The following BUB3 variants were observed in gnomAD, a reference collection of about 807,000 sequenced individuals.
BUB3 encodes mitotic checkpoint protein BUB3.
A neutral mutation model predicts 39.9 loss-of-function variants in BUB3; 22 were observed. The observed-to-expected ratio is 0.55, with a 90% confidence interval of 0.39 to 0.79. The LOEUF is 0.79. BUB3 is among the 30% of genes least tolerant of loss of function. The pLI, the probability that BUB3 is intolerant of heterozygous loss-of-function variation, is 0.00. For missense variants in BUB3, 303 were observed against 415.4 expected (o/e 0.73, Z 2.35); for synonymous variants, 168 against 155.1 (o/e 1.08, Z -0.62).
rs1268339794 is a variant in BUB3, at chr10:123,167,062, C to T, written c.*3227C>T. 1 of 152,232 alleles carries T rather than the reference C, an allele frequency of 6.6e-6. No individual in the cohort carries two copies. The highest frequency in any genetic ancestry group is 1.9e-4 in the East Asian group (1 of 5,198). The allele number at this position is 152,232 out of a possible 1,614,324, so 9.4% of individuals were successfully genotyped here. On this transcript the variant is annotated 3_prime_UTR_variant, in exon 8 of 8. Coordinates refer to ENST00000368865, the MANE Select transcript of BUB3 (RefSeq NM_004725.4). Reference sequence around the variant, plus strand: ...CTACTGAGAGCTTAGATCACTACAACGAATCCTTGTAAATTTGTTTAACTC... The same window carrying T: ...CTACTGAGAGCTTAGATCACTACAATGAATCCTTGTAAATTTGTTTAACTC...
At chr10:123,162,564 TG>T in intron 6 of BUB3, 47 bp from the exon 7 acceptor site, 1 of 1,573,706 alleles carries the variant, frequency 6.4e-7, no homozygotes. Flanking sequence ...TGGTTATTTC[TG>T]TATCTGGTGT....
Position 123,165,274 on chromosome 10 carries a change from C to T in BUB3, c.*1439C>T, listed in dbSNP as rs748775104. On this transcript the variant is annotated 3_prime_UTR_variant, in exon 8 of 8. Transcript: ENST00000368865. ...TTCCCCTTCTGTCCCCTAGTAAGCCCAGTTGCTGTATCTGAACAGTTTGAG... is the reference window on the plus strand; with the variant it reads ...TTCCCCTTCTGTCCCCTAGTAAGCCTAGTTGCTGTATCTGAACAGTTTGAG... 19 of 498,270 alleles carry T rather than the reference C, an allele frequency of 3.8e-5. No individual in the cohort carries two copies. The highest frequency in any genetic ancestry group is 7.1e-5 in the Admixed American group (2 of 28,290). 30.9% of individuals were successfully genotyped at this position (498,270 alleles called of 1,614,324 possible).
chr10:123,160,933 T>G (rs1419144455), intron 5 of BUB3, among the ~76,000 whole-genome samples: 1 of 152,216 alleles, frequency 6.6e-6, no homozygotes, highest in Non-Finnish European at 1.5e-5. Flanking sequence ...AATTTATATC[T>G]GGATTTTAAG....
In BUB3 at chr10:123,164,875, C is replaced by T. The variant is rs1360704081; in HGVS notation, c.*1040C>T. Reference sequence around the variant, plus strand: ...AAACTTTAAAATTTATATTAATTTGCAAATGTATGTCTCTGAGTAGGACTT... The same window carrying T: ...AAACTTTAAAATTTATATTAATTTGTAAATGTATGTCTCTGAGTAGGACTT... On this transcript the variant is annotated 3_prime_UTR_variant, in exon 8 of 8. Coordinates refer to ENST00000368865, the MANE Select transcript of BUB3 (RefSeq NM_004725.4). 5.1e-6 allele frequency: 7 copies of T among 1,361,590 alleles called. No individual in the cohort carries two copies. The highest frequency in any genetic ancestry group is 2.2e-4 in the Middle Eastern group (1 of 4,594). 84.3% of individuals were successfully genotyped at this position (1,361,590 alleles called of 1,614,324 possible).
rs557720266 is a variant in BUB3, at chr10:123,164,799, C to T, written c.*964C>T. The T allele has an allele frequency of 4.9e-4, 620 of 1,257,108 alleles. 3 individuals are homozygous for T. The highest frequency in any genetic ancestry group is 4.6e-3 in the South Asian group (165 of 35,874). 77.9% of individuals were successfully genotyped at this position (1,257,108 alleles called of 1,614,324 possible). On this transcript the variant is annotated 3_prime_UTR_variant, in exon 8 of 8. Transcript: ENST00000368865. The stretch of plus-strand genomic sequence containing the variant: ...CAATGTAATGCACTAAAGCAGAACA[C>T]GAACTTAGCTTGGCCTATTCTAGGT...
chr10:123,155,173 A>G (rs1844334421), intron 2 of BUB3, 61 bp downstream of exon 2: 5 of 1,548,348 alleles, frequency 3.2e-6, no homozygotes, highest in South Asian at 1.2e-5. Flanking sequence ...CCACGTGAGG[A>G]GCGTTTCTTT....
chr10:123,160,861 A>G (rs1844412708), intron 5 of BUB3, among the ~76,000 whole-genome samples: 1 of 152,184 alleles, frequency 6.6e-6, no homozygotes, highest in Non-Finnish European at 1.5e-5. Flanking sequence ...AGGATGCTTC[A>G]TAGGTATACA....
At chr10:123,156,094 T>C (rs1844344584) in intron 3 of BUB3, among the ~76,000 whole-genome samples, 1 of 152,244 alleles carries the variant, frequency 6.6e-6, no homozygotes, top group South Asian at 2.1e-4. Flanking sequence ...GAAGCTAATT[T>C]AGTTTTCAGA....
At chr10:123,158,213 A>G (rs1844375209) in intron 4 of BUB3, among the ~76,000 whole-genome samples, 1 of 152,212 alleles carries the variant, frequency 6.6e-6, no homozygotes, top group Non-Finnish European at 1.5e-5. Context: ...TTGACGCTCC[A>G]TCCCAAACCA....
At position 123,163,866 on chromosome 10, in the gene BUB3, A is replaced by T. The variant is rs1432441676; in HGVS notation, c.*31A>T. 1.9e-6 allele frequency: 3 copies of T among 1,595,254 alleles called. No individual in the cohort carries two copies. The East Asian group carries it at 6.7e-5, about 36-fold the overall frequency. ...TTTCATTTACTTAAGTGCCATGTTG[A>T]TGATAATAAAACAATTCGTACTCCC... On this transcript the variant is annotated 3_prime_UTR_variant, in exon 8 of 8. Coordinates refer to ENST00000368865, the MANE Select transcript of BUB3 (RefSeq NM_004725.4).
At chr10:123,163,352 A>G (rs998892888) in intron 7 of BUB3, 4 of 163,392 alleles carry the variant, frequency 2.4e-5, no homozygotes, top group African/African-American at 9.6e-5. Flanking sequence ...CTTGGTTGTA[A>G]CTGTTGACTG....
At chr10:123,156,729 T>C (rs1844351694) in intron 3 of BUB3, among the ~76,000 whole-genome samples, 1 of 152,028 alleles carries the variant, frequency 6.6e-6, no homozygotes, top group Non-Finnish European at 1.5e-5. Context: ...CCAAACTTCA[T>C]GAAATCCTTT....
chr10:123,163,718 G>T, intron 7 of BUB3, 102 bp from the exon 8 acceptor site: 1 of 1,030,048 alleles, frequency 9.7e-7, no homozygotes, highest in Non-Finnish European at 1.5e-6. Flanking sequence ...GAAGCCTGTT[G>T]GATAAAGGGC....
At chr10:123,156,923 T>C (rs985590127) in intron 3 of BUB3, among the ~76,000 whole-genome samples, 8 of 152,060 alleles carry the variant, frequency 5.3e-5, no homozygotes, top group Non-Finnish European at 8.8e-5. Context: ...TTTGTATTTT[T>C]TAGTAGAGGC....
At chr10:123,155,538 C>A in intron 2 of BUB3, 120 bp from the exon 3 acceptor site, 1 of 910,026 alleles carries the variant, frequency 1.1e-6, no homozygotes, top group Non-Finnish European at 1.7e-6. Flanking sequence ...GTTTGTTTAC[C>A]ATGAATAGTT....
chr10:123,161,335 T>C (rs139159741), intron 5 of BUB3, among the ~76,000 whole-genome samples: 464 of 152,342 alleles, frequency 3.0e-3, no homozygotes, highest in African/African-American at 0.011. Context: ...CTTTTTAACC[T>C]GCAAAGGCCA....
Position 123,166,646 on chromosome 10 carries a change from A to C in BUB3, c.*2811A>C, listed in dbSNP as rs1272464421. The C allele has an allele frequency of 6.6e-6, 1 of 152,112 alleles. No homozygotes were observed. The highest frequency in any genetic ancestry group is 1.9e-4 in the East Asian group (1 of 5,188). 9.4% of individuals were successfully genotyped at this position (152,112 alleles called of 1,614,324 possible). On this transcript the variant is annotated 3_prime_UTR_variant, in exon 8 of 8. Transcript: ENST00000368865. The stretch of plus-strand genomic sequence containing the variant: ...CCACTGCTTCCTGTTGCTCATAGTC[A>C]CCCTTCAGTGATTTCATAAGGAGGT...
In BUB3 at chr10:123,164,177, T is replaced by A. The variant is rs560338669; in HGVS notation, c.*342T>A. On this transcript the variant is annotated 3_prime_UTR_variant, in exon 8 of 8. Coordinates refer to ENST00000368865, the MANE Select transcript of BUB3 (RefSeq NM_004725.4). ...TAAGTGTAATAAAAATCCCTTTGCA[T>A]TCTTTCTGGACCTTAAATGGTAGAG... The A allele has an allele frequency of 3.9e-6, 4 of 1,020,172 alleles. No homozygotes were observed. The highest frequency in any genetic ancestry group is 3.5e-6 in the Non-Finnish European group (3 of 853,670). The allele number at this position is 1,020,172 out of a possible 1,614,324, so 63.2% of individuals were successfully genotyped here. A position where few individuals can be genotyped will look rare whatever the true frequency, so the allele number is the denominator to read the frequency against.
In BUB3 at chr10:123,155,090, C is replaced by T. The variant is rs1371963633; in HGVS notation, c.173C>T (p.Ala58Val). Residue 58 changes from alanine (A) to valine (V), a missense_variant, in exon 2 of 8, where the codon GCC becomes GTC. By Grantham distance (64) the Ala-to-Val change is moderately conservative. This residue lies in a region of BUB3 where 121 missense variants were observed against 122.3 expected (regional missense o/e 0.99). Coordinates refer to ENST00000368865, the MANE Select transcript of BUB3 (RefSeq NM_004725.4). ...CGGCTCAAGTACCAGCACACCGGCG[C>T]CGTCCTGGACTGCGCCTTCTACGTA... ...SMRLKYQHTGAVLDCAFYDPT... is the reference protein window; with the variant it reads ...SMRLKYQHTGVVLDCAFYDPT... 5 of 1,613,910 alleles carry T rather than the reference C, an allele frequency of 3.1e-6. No homozygotes were observed. In the African/African-American group the frequency reaches 5.3e-5, roughly 17 times the overall value.
Sources: gnomAD v4.1 joint callset for allele counts (sites outside exome capture counted in the v4.1 genomes callset) on GRCh38, gnomAD v4.1.1 for gene constraint, gnomAD v4.1.1 regional missense constraint, MANE v1.5 for transcripts, NCBI Gene and HGNC (gene_info 2026-07-23, HGNC 2026-07-21) for gene names.